The following ACTN4 variants were observed in gnomAD, a reference collection of about 807,000 sequenced individuals.
The protein encoded by ACTN4 is alpha-actinin-4.
ACTN4 carries 18 observed loss-of-function variants against 114.2 expected under a neutral mutation model. The observed-to-expected ratio is 0.16, with a 90% CI of 0.11 to 0.23. ACTN4 has a LOEUF of 0.23. ACTN4 is among the 10% of genes least tolerant of loss of function. The probability of loss-of-function intolerance (pLI) is 1.00; values close to 1 mark genes in which losing one functional copy is unlikely to be tolerated. For missense variants in ACTN4, 722 were observed against 1,262.9 expected (o/e 0.57, Z 6.49); for synonymous variants, 515 against 506.3 (o/e 1.02, Z -0.23).
intron 3 of ACTN4, among the ~76,000 whole-genome samples, chr19:38,702,394 G>A (rs1264906269): frequency 2.0e-5 from 3 of 152,186 alleles, no homozygotes; most frequent in African/African-American, 2.4e-5. Flanking sequence ...TTGGGCATTC[G>A]CGGGAGCATT....
intron 1 of ACTN4, among the ~76,000 whole-genome samples, chr19:38,660,986 A>T (rs1374561096): frequency 6.6e-6 from 1 of 152,150 alleles, no homozygotes; most frequent in Non-Finnish European, 1.5e-5. Context: ...TGAGAAAGAG[A>T]GAACCAAGAG....
At chr19:38,666,662 G>C (rs927533899) in intron 1 of ACTN4, among the ~76,000 whole-genome samples, 6 of 152,246 alleles carry the variant, frequency 3.9e-5, no homozygotes, top group Non-Finnish European at 5.9e-5. Context: ...GAGATGAGCA[G>C]TTTTCTTCCC....
chr19:38,709,056 C>A (rs1214372927), intron 6 of ACTN4, among the ~76,000 whole-genome samples: 1 of 152,198 alleles, frequency 6.6e-6, no homozygotes, highest in Non-Finnish European at 1.5e-5. Flanking sequence ...GCCTGGCCCA[C>A]ATCTTCCAGT....
At chr19:38,662,235 A>C (rs547344520) in intron 1 of ACTN4, among the ~76,000 whole-genome samples, 42 of 152,212 alleles carry the variant, frequency 2.8e-4, no homozygotes, top group African/African-American at 9.4e-4. Context: ...TGTGGCTTTT[A>C]CTCAAGGAGG....
intron 1 of ACTN4, among the ~76,000 whole-genome samples, chr19:38,694,561 T>C (rs889865440): frequency 1.3e-5 from 2 of 151,832 alleles, no homozygotes; most frequent in Non-Finnish European, 2.9e-5. Flanking sequence ...CGCCCGGCCC[T>C]GGCTGGGGGC....
chr19:38,705,971 T>G lies in ACTN4; in HGVS notation c.485-73T>G. Reference sequence around the variant, plus strand: ...TTTGACCCCAGGCCTGAGCCGAAAGTCCCATCCAACTTGGGCTGAGTTCTG... The same window carrying G: ...TTTGACCCCAGGCCTGAGCCGAAAGGCCCATCCAACTTGGGCTGAGTTCTG... On this transcript the variant is annotated intron_variant, in intron 4 of 20. Coordinates refer to ENST00000252699, the MANE Select transcript of ACTN4 (RefSeq NM_004924.6). 6 of 1,517,202 alleles carry G rather than the reference T, an allele frequency of 4.0e-6. No homozygotes were observed. In the South Asian group the frequency reaches 6.7e-5, roughly 17 times the overall value. 94.0% of individuals were successfully genotyped at this position (1,517,202 alleles called of 1,614,324 possible).
intron 1 of ACTN4, among the ~76,000 whole-genome samples, chr19:38,691,417 AAAAAAAC>A (rs1967923911): frequency 6.7e-6 from 1 of 150,366 alleles, no homozygotes; most frequent in East Asian, 2.0e-4. Flanking sequence ...AAAAAAAACA[AAAAAAAC>A]AAAAAAAAAA....
intron 1 of ACTN4, among the ~76,000 whole-genome samples, chr19:38,653,085 C>A (rs371797476): frequency 7.5e-4 from 94 of 125,088 alleles, no homozygotes; most frequent in Admixed American, 8.3e-4. Flanking sequence ...GACTCCATCT[C>A]AAAAAAAAAA....
intron 6 of ACTN4, among the ~76,000 whole-genome samples, chr19:38,709,172 T>C (rs1240047022): frequency 3.3e-5 from 5 of 152,254 alleles, no homozygotes; most frequent in Middle Eastern, 3.4e-3. Flanking sequence ...GAAAAAGCCC[T>C]GGTTTGCCCC....
intron 1 of ACTN4, among the ~76,000 whole-genome samples, chr19:38,678,223 C>A (rs1248269907): frequency 6.6e-6 from 1 of 152,192 alleles, no homozygotes; most frequent in South Asian, 2.1e-4. Flanking sequence ...AAAAATGATA[C>A]GTGTGGCTAA....
Position 38,724,667 on chromosome 19 carries a change from G to T in ACTN4, c.2010+102G>T. 1 of 1,575,432 alleles carries T rather than the reference G, an allele frequency of 6.3e-7. No homozygotes were observed. Among genetic ancestry groups the T allele is most frequent in the Non-Finnish European group, 8.6e-7 (1 of 1,158,622 alleles). On this transcript the variant is annotated intron_variant, in intron 16 of 20. Coordinates refer to ENST00000252699, the MANE Select transcript of ACTN4 (RefSeq NM_004924.6). This position sits in a 1 kb window ranked among gnomAD's most constrained non-coding sequence, Gnocchi z 7.0. ...CAGGGCCTGCAGACTGAGGCGCCTG[G>T]CAGAGCAGGTCCCAATTCTCACCAC... is the stretch of plus-strand genomic sequence containing the variant.
At chr19:38,725,606 C>T (rs997887930) in intron 16 of ACTN4, 118 bp from the exon 17 acceptor site, 2 of 1,185,006 alleles carry the variant, frequency 1.7e-6, no homozygotes, top group Non-Finnish European at 1.2e-6. Flanking sequence ...TGGGCCAAGG[C>T]CCCAGGCCAA....
intron 1 of ACTN4, among the ~76,000 whole-genome samples, chr19:38,682,677 T>C (rs183581605): frequency 1.3e-5 from 2 of 152,280 alleles, no homozygotes; most frequent in Admixed American, 1.3e-4. Flanking sequence ...TCCTCCCCCA[T>C]GAGGCCCTCC....
intron 1 of ACTN4, among the ~76,000 whole-genome samples, chr19:38,691,641 G>A (rs947437815): frequency 6.6e-6 from 1 of 152,016 alleles, no homozygotes; most frequent in South Asian, 2.1e-4. Flanking sequence ...GGTGGCTCAC[G>A]CCTGTAATCC....
In ACTN4 at chr19:38,648,086, A is replaced by G; in HGVS notation, c.162+179A>G. ...GAGGAGGAATCGCCGAGCTAGAGGA[A>G]GGAATTGGGAATCTGAAAAGAGAAT... On this transcript the variant is annotated intron_variant, in intron 1 of 20. Coordinates refer to ENST00000252699, the MANE Select transcript of ACTN4 (RefSeq NM_004924.6). The G allele has an allele frequency of 4.5e-6, 3 of 665,522 alleles. No homozygotes were observed. In the South Asian group the frequency reaches 9.4e-5, roughly 21 times the overall value. 41.2% of individuals were successfully genotyped at this position (665,522 alleles called of 1,614,324 possible). A position where few individuals can be genotyped will look rare whatever the true frequency, so the allele number is the denominator to read the frequency against.
At chr19:38,662,292 C>T (rs1976911681) in intron 1 of ACTN4, among the ~76,000 whole-genome samples, 1 of 152,224 alleles carries the variant, frequency 6.6e-6, no homozygotes, top group African/African-American at 2.4e-5. Flanking sequence ...ACACTCCTGC[C>T]TCTGAACACA....
chr19:38,657,004 G>T (rs1471462996), intron 1 of ACTN4, among the ~76,000 whole-genome samples: 1 of 152,032 alleles, frequency 6.6e-6, no homozygotes, highest in Admixed American at 6.6e-5. Flanking sequence ...TAGAGACAGG[G>T]TTTCACTGTC....
Position 38,729,282 on chromosome 19 carries a change from C to T in ACTN4, c.2586C>T (p.Ile862=). The T allele has an allele frequency of 6.2e-7, 1 of 1,612,864 alleles. No homozygotes were observed. The highest frequency in any genetic ancestry group is 8.5e-7 in the Non-Finnish European group (1 of 1,179,988). The change falls in exon 21 of 21, where the codon ATC becomes ATT. Residue 862 remains isoleucine, a synonymous_variant. Transcript: ENST00000252699. ...FKVLAGDKNF[I]TAEELRRELP... ...CATCCTGCCTGCCCCAGAACTTCAT[C>T]ACAGCTGAGGAGCTGCGGAGAGAGC... is the stretch of plus-strand genomic sequence containing the variant.
At chr19:38,673,465 T>G (rs1478600375) in intron 1 of ACTN4, among the ~76,000 whole-genome samples, 1 of 82,156 alleles carries the variant, frequency 1.2e-5, no homozygotes, top group Admixed American at 1.5e-4. Flanking sequence ...TCATATATAT[T>G]TATATATATT....
Sources: gnomAD v4.1 joint callset for allele counts (sites outside exome capture counted in the v4.1 genomes callset) on GRCh38, gnomAD v4.1.1 for gene constraint, Gnocchi (gnomAD v3.1) non-coding constraint, MANE v1.5 for transcripts, NCBI Gene and HGNC (gene_info 2026-07-23, HGNC 2026-07-21) for gene names.